The following ZNF197 variants were observed in gnomAD, a reference collection of about 807,000 sequenced individuals.
The protein encoded by ZNF197 is zinc finger protein 197, also known as VHL-associated KRAB-A domain-containing protein.
ZNF197 carries 14 observed loss-of-function variants against 27.4 expected under a neutral mutation model. The ratio of observed to expected loss-of-function variants is 0.51; its 90% CI spans 0.34 to 0.80. The LOEUF (loss-of-function observed/expected upper bound fraction) is 0.80, where lower values mean the gene tolerates loss of function less well. ZNF197 is among the 30% of genes least tolerant of loss of function. The pLI, the probability that ZNF197 is intolerant of heterozygous loss-of-function variation, is 0.02. For synonymous variants in ZNF197, 415 were observed against 420.0 expected (o/e 0.99, Z 0.15); for missense variants, 1,090 against 1,222.6 (o/e 0.89, Z 1.62).
Position 44,644,286 on chromosome 3 carries a change from T to G in ZNF197, c.*66T>G. On this transcript the variant is annotated 3_prime_UTR_variant, in exon 6 of 6. Transcript: ENST00000344387. ...TAACTGTTGGACAAATGATATATATTTCTTCTAAGGAAAAAGTTTATTATT... is the reference window on the plus strand; with the variant it reads ...TAACTGTTGGACAAATGATATATATGTCTTCTAAGGAAAAAGTTTATTATT... 6.6e-7 allele frequency: 1 copy of G among 1,514,290 alleles called. No individual in the cohort carries two copies. The highest frequency in any genetic ancestry group is 8.8e-7 in the Non-Finnish European group (1 of 1,136,938). The allele number at this position is 1,514,290 out of a possible 1,614,324, so 93.8% of individuals were successfully genotyped here.
chr3:44,632,011 C>A, intron 3 of ZNF197, 94 bp from the exon 4 acceptor site: 2 of 1,148,102 alleles, frequency 1.7e-6, no homozygotes, highest in Non-Finnish European at 2.6e-6. Context: ...TTGTATCATT[C>A]TTACTGCTAC....
intron 1 of ZNF197, among the ~76,000 whole-genome samples, chr3:44,625,554 T>C (rs1701599897): frequency 6.6e-6 from 1 of 152,074 alleles, no homozygotes; most frequent in African/African-American, 2.4e-5. Flanking sequence ...GATTTTTTTG[T>C]TTGTTTGTTT....
intron 3 of ZNF197, among the ~76,000 whole-genome samples, chr3:44,631,606 G>A (rs562876567): frequency 4.0e-5 from 6 of 151,536 alleles, no homozygotes; most frequent in African/African-American, 1.5e-4. Flanking sequence ...GGGTTTCACT[G>A]TGTTAGCCAA....
chr3:44,646,292 C>A lies in ZNF197; in HGVS notation c.*2072C>A, dbSNP rs1702951150. 1 of 985,412 alleles carries A rather than the reference C, an allele frequency of 1.0e-6. No homozygotes were observed. Among genetic ancestry groups the A allele is most frequent in the Non-Finnish European group, 1.2e-6 (1 of 829,912 alleles). 61.0% of individuals were successfully genotyped at this position (985,412 alleles called of 1,614,324 possible). A position where few individuals can be genotyped will look rare whatever the true frequency, so the allele number is the denominator to read the frequency against. On this transcript the variant is annotated 3_prime_UTR_variant, in exon 6 of 6. Coordinates refer to ENST00000344387, the MANE Select transcript of ZNF197 (RefSeq NM_006991.5). The stretch of plus-strand genomic sequence containing the variant: ...AAATGTTTCATCCAGGTTGTTGAAT[C>A]ATCCCAGCTTATATAATAATTACAA...
chr3:44,626,231 T>G (rs1249347498), intron 1 of ZNF197, among the ~76,000 whole-genome samples: 1 of 152,190 alleles, frequency 6.6e-6, no homozygotes, highest in Non-Finnish European at 1.5e-5. Flanking sequence ...GTTTAGAACT[T>G]AAGTCATGTG....
chr3:44,628,950 C>G, intron 1 of ZNF197, 124 bp from the exon 2 acceptor site: 1 of 608,166 alleles, frequency 1.6e-6, no homozygotes, highest in South Asian at 2.6e-5. Context: ...TCTCTAGAGC[C>G]TGGAACCTTG....
chr3:44,630,696 T>C (rs1701939292), intron 2 of ZNF197: 2 of 373,402 alleles, frequency 5.4e-6, no homozygotes, highest in African/African-American at 2.1e-5. Flanking sequence ...AATAAGTAGA[T>C]GGTAAATAAG....
chr3:44,629,220 T>C lies in ZNF197; in HGVS notation c.66T>C (p.Asp22=). The part of the protein sequence containing the change: ...RQEGLVKGKD[D]TWKWGTSFQG... ...AGGGCCTTGTGAAGGGGAAGGATGATACCTGGAAATGGGGAACCAGCTTCC... is the reference window on the plus strand; with the variant it reads ...AGGGCCTTGTGAAGGGGAAGGATGACACCTGGAAATGGGGAACCAGCTTCC... The change falls in exon 2 of 6, where the codon GAT becomes GAC. Residue 22 remains aspartate (D), a synonymous_variant. Coordinates refer to ENST00000344387, the MANE Select transcript of ZNF197 (RefSeq NM_006991.5). 2 of 1,614,132 alleles carry C rather than the reference T, an allele frequency of 1.2e-6. No individual in the cohort carries two copies. The highest frequency in any genetic ancestry group is 1.7e-6 in the Non-Finnish European group (2 of 1,180,006).
Position 44,642,054 on chromosome 3 carries a change from T to G in ZNF197, c.924T>G (p.Ser308Arg). The change falls in exon 6 of 6, where the codon AGT (serine) becomes AGG (arginine). Residue 308 changes from serine (S) to arginine (R), a missense_variant. Ser to Arg is a moderately radical substitution (Grantham distance 110, BLOSUM62 -1). Transcript: ENST00000344387. ...EEECEWQVLASQWGNETDERA... is the reference protein window; with the variant it reads ...EEECEWQVLARQWGNETDERA... ...AGTGTGAATGGCAAGTTTTGGCAAG[T>G]CAGTGGGGAAATGAAACAGATGAAA... 6.2e-7 allele frequency: 1 copy of G among 1,614,074 alleles called. No homozygotes were observed. The highest frequency in any genetic ancestry group is 8.5e-7 in the Non-Finnish European group (1 of 1,179,990).
At chr3:44,626,402 G>C (rs900256204) in intron 1 of ZNF197, among the ~76,000 whole-genome samples, 1 of 151,612 alleles carries the variant, frequency 6.6e-6, no homozygotes, top group African/African-American at 2.4e-5. Flanking sequence ...AGTCGTAAAA[G>C]ATTGACTGCA....
rs1239148596 is a variant in ZNF197, at chr3:44,632,191, C to G, written c.637C>G (p.Pro213Ala). 6.2e-7 allele frequency: 1 copy of G among 1,614,128 alleles called. No homozygotes were observed. The highest frequency in any genetic ancestry group is 1.7e-5 in the Admixed American group (1 of 60,024). ...LMALMLLTAQ[P>A]QELVMFEEVS... ...GGCACTTATGCTCCTAACAGCCCAG[C>G]CCCAGGTAAGGTTTGCATCCTCTTT... The change falls in exon 4 of 6, where the codon CCC (proline) becomes GCC (alanine). Residue 213 changes from proline to alanine, a missense_variant. Pro to Ala is a conservative substitution (Grantham distance 27, BLOSUM62 -1). Coordinates refer to ENST00000344387, the MANE Select transcript of ZNF197 (RefSeq NM_006991.5).
In ZNF197 at chr3:44,644,777, T is replaced by G. The variant is rs1266440541; in HGVS notation, c.*557T>G. The G allele has an allele frequency of 5.1e-6, 5 of 985,228 alleles. No individual in the cohort carries two copies. The highest frequency in any genetic ancestry group is 4.8e-6 in the Non-Finnish European group (4 of 829,846). 61.0% of individuals were successfully genotyped at this position (985,228 alleles called of 1,614,324 possible). ...GCTCACTCCTGTAGTCCCAGGACTT[T>G]GGGAGGCCGAGGTGGGAAGATCCCT... On this transcript the variant is annotated 3_prime_UTR_variant, in exon 6 of 6. Transcript: ENST00000344387.
chr3:44,629,547 G>A lies in ZNF197; in HGVS notation c.390+3G>A, dbSNP rs1313339695. On this transcript the variant is annotated splice_donor_region_variant and intron_variant, in intron 2 of 5. Transcript: ENST00000344387. ...ACCTTGATGGACCAGCAATACAAGT[G>A]AGAAAGACAGGGAGGGGCGGTGGGT... 1 of 1,545,796 alleles carries A rather than the reference G, an allele frequency of 6.5e-7. No individual in the cohort carries two copies. Among genetic ancestry groups the A allele is most frequent in the Admixed American group, 2.0e-5 (1 of 49,520 alleles).
chr3:44,647,189 TA>T lies in ZNF197; in HGVS notation c.*2970del, dbSNP rs979411295. The T allele has an allele frequency of 4.6e-5, 7 of 151,970 alleles. No individual in the cohort carries two copies. Among genetic ancestry groups the T allele is most frequent in the African/African-American group, 1.7e-4 (7 of 41,428 alleles). The allele number at this position is 151,970 out of a possible 1,614,324, so 9.4% of individuals were successfully genotyped here. ...AAAAGACAGACATTTCACTGAAGTA[TA>T]GATAGCAAATAAGCAAATGAAAAGA... On this transcript the variant is annotated 3_prime_UTR_variant, in exon 6 of 6. Coordinates refer to ENST00000344387, the MANE Select transcript of ZNF197 (RefSeq NM_006991.5).
Position 44,646,116 on chromosome 3 carries a change from A to G in ZNF197, c.*1896A>G, listed in dbSNP as rs1422987989. 1 of 985,304 alleles carries G rather than the reference A, an allele frequency of 1.0e-6. No homozygotes were observed. The highest frequency in any genetic ancestry group is 1.7e-5 in the African/African-American group (1 of 57,234). 61.0% of individuals were successfully genotyped at this position (985,304 alleles called of 1,614,324 possible). The stretch of plus-strand genomic sequence containing the variant: ...AAGAGTGAAAACTGGAAGGGGCCTA[A>G]GGCTTAAAGTCTTAAGACCTGGATG... On this transcript the variant is annotated 3_prime_UTR_variant, in exon 6 of 6. Coordinates refer to ENST00000344387, the MANE Select transcript of ZNF197 (RefSeq NM_006991.5).
In ZNF197 at chr3:44,632,369, T is replaced by C. The variant is rs546532691; in HGVS notation, c.643-104T>C. On this transcript the variant is annotated intron_variant, in intron 4 of 5. Transcript: ENST00000344387. The stretch of plus-strand genomic sequence containing the variant: ...CCTTATGTCTCCCTGATGTCTGTTA[T>C]GCACTCATGGCCTCACAGTGTATCC... 2.0e-5 allele frequency: 30 copies of C among 1,509,040 alleles called. No individual in the cohort carries two copies. In the Middle Eastern group the frequency reaches 7.1e-4, roughly 36 times the overall value. 93.5% of individuals were successfully genotyped at this position (1,509,040 alleles called of 1,614,324 possible).
In ZNF197 at chr3:44,644,275, A is replaced by G; in HGVS notation, c.*55A>G. Reference sequence around the variant, plus strand: ...GCCTACTTAAGTAACTGTTGGACAAATGATATATATTTCTTCTAAGGAAAA... The same window carrying G: ...GCCTACTTAAGTAACTGTTGGACAAGTGATATATATTTCTTCTAAGGAAAA... On this transcript the variant is annotated 3_prime_UTR_variant, in exon 6 of 6. Coordinates refer to ENST00000344387, the MANE Select transcript of ZNF197 (RefSeq NM_006991.5). The G allele has an allele frequency of 1.3e-6, 2 of 1,526,100 alleles. No individual in the cohort carries two copies. The highest frequency in any genetic ancestry group is 1.7e-6 in the Non-Finnish European group (2 of 1,143,062). 94.5% of individuals were successfully genotyped at this position (1,526,100 alleles called of 1,614,324 possible). A position where few individuals can be genotyped will look rare whatever the true frequency, so the allele number is the denominator to read the frequency against.
At position 44,643,449 on chromosome 3, in the gene ZNF197, A is replaced by G; in HGVS notation, c.2319A>G (p.Ser773=). Residue 773 remains serine (S), a synonymous_variant, in exon 6 of 6, where the codon TCA becomes TCG. Coordinates refer to ENST00000344387, the MANE Select transcript of ZNF197 (RefSeq NM_006991.5). Reference sequence around the variant, plus strand: ...GTGAGTGTGGAAGAGCTTTCAGTTCAAACAGAAACCTCATTGAGCATAAGA... The same window carrying G: ...GTGAGTGTGGAAGAGCTTTCAGTTCGAACAGAAACCTCATTGAGCATAAGA... ...ECSECGRAFS[S]NRNLIEHKRI... The G allele has an allele frequency of 6.2e-7, 1 of 1,614,182 alleles. No individual in the cohort carries two copies. Among genetic ancestry groups the G allele is most frequent in the East Asian group, 2.2e-5 (1 of 44,864 alleles).
At chr3:44,639,678 C>T (rs1297528055) in intron 5 of ZNF197, among the ~76,000 whole-genome samples, 2 of 151,266 alleles carry the variant, frequency 1.3e-5, no homozygotes, top group Admixed American at 1.3e-4. Flanking sequence ...TGTTAATGTC[C>T]AGAGAGTGAC....
Sources: allele counts gnomAD v4.1 joint callset (sites outside exome capture counted in the v4.1 genomes callset), GRCh38; gene constraint gnomAD v4.1.1; transcripts MANE v1.5; gene names NCBI Gene and HGNC (gene_info 2026-07-23, HGNC 2026-07-21).